Variants in RALYL observed in about 807,000 individuals in gnomAD.
RALYL encodes RNA-binding Raly-like protein.
RALYL carries 29 observed loss-of-function variants against 35.1 expected under a neutral mutation model. That is an observed-to-expected ratio of 0.83 (90% CI 0.61 to 1.13). The LOEUF is 1.13. RALYL is among the 50% of genes most tolerant of loss of function. The probability of loss-of-function intolerance (pLI) is 0.00; values close to 1 mark genes in which losing one functional copy is unlikely to be tolerated. For synonymous variants in RALYL, 120 were observed against 127.6 expected, an observed-to-expected ratio of 0.94 and a Z score of 0.40; for missense variants, 359 against 360.4, an observed-to-expected ratio of 1.00 and a Z score of 0.03.
chr8:84,705,371 G>A (rs1331910882), intron 2 of RALYL, among the ~76,000 whole-genome samples: 1 of 152,068 alleles, frequency 6.6e-6, no homozygotes, highest in Admixed American at 6.6e-5. Flanking sequence ...CTACATAGTA[G>A]GCACTCAACA....
intron 1 of RALYL, among the ~76,000 whole-genome samples, chr8:84,223,316 T>C (rs1273776360): frequency 6.6e-6 from 1 of 151,716 alleles, no homozygotes; most frequent in African/African-American, 2.4e-5. Context: ...GAATGGGTTA[T>C]ATTGGGAGGG....
intron 4 of RALYL, among the ~76,000 whole-genome samples, chr8:84,843,145 G>C (rs573853695): frequency 6.6e-6 from 1 of 152,214 alleles, no homozygotes; most frequent in Non-Finnish European, 1.5e-5. Context: ...GGAAATAAAG[G>C]GTATTCAATT....
intron 2 of RALYL, among the ~76,000 whole-genome samples, chr8:84,658,478 T>C (rs1450409429): frequency 6.6e-6 from 1 of 152,172 alleles, no homozygotes; most frequent in Admixed American, 6.6e-5. Flanking sequence ...TAGAAAGGTG[T>C]ATGCATAGGA....
chr8:84,475,507 A>G (rs1036692356), intron 1 of RALYL, among the ~76,000 whole-genome samples: 9 of 152,216 alleles, frequency 5.9e-5, no homozygotes, highest in Non-Finnish European at 1.2e-4. Context: ...GAAAACTCTA[A>G]TATAAAATTT....
chr8:84,623,123 C>T (rs1391968794), intron 2 of RALYL, among the ~76,000 whole-genome samples: 3 of 152,124 alleles, frequency 2.0e-5, no homozygotes, highest in Non-Finnish European at 2.9e-5. Flanking sequence ...AGTAAAACTT[C>T]TAAGTTTTAT....
At chr8:84,342,352 C>T (rs1563762160) in intron 1 of RALYL, among the ~76,000 whole-genome samples, 1 of 139,096 alleles carries the variant, frequency 7.2e-6, no homozygotes, top group Non-Finnish European at 1.5e-5. Context: ...GCCAGGCCTA[C>T]ACACATTAAT....
intron 5 of RALYL, among the ~76,000 whole-genome samples, chr8:84,851,672 G>T (rs1349875739): frequency 6.6e-6 from 1 of 152,148 alleles, no homozygotes; most frequent in East Asian, 1.9e-4. Flanking sequence ...AGGGCCTTTT[G>T]TAAGTTCCAC....
chr8:84,789,885 T>C (rs1371848388), intron 3 of RALYL, among the ~76,000 whole-genome samples: 1 of 151,988 alleles, frequency 6.6e-6, no homozygotes, highest in East Asian at 1.9e-4. Flanking sequence ...ATGAACTAAA[T>C]TGAGTATAGA....
chr8:84,427,448 T>C (rs1314767735), intron 1 of RALYL, among the ~76,000 whole-genome samples: 1 of 152,228 alleles, frequency 6.6e-6, no homozygotes, highest in African/African-American at 2.4e-5. Flanking sequence ...TGTGTTTTAA[T>C]TAAGCATTCT....
intron 1 of RALYL, among the ~76,000 whole-genome samples, chr8:84,487,237 T>A (rs2054742177): frequency 6.6e-6 from 1 of 152,200 alleles, no homozygotes; most frequent in Non-Finnish European, 1.5e-5. Context: ...AGAGCTTAGA[T>A]CAATAAATAA....
At chr8:84,491,929 G>A (rs1365651461) in intron 1 of RALYL, among the ~76,000 whole-genome samples, 2 of 151,656 alleles carry the variant, frequency 1.3e-5, no homozygotes, top group Admixed American at 6.6e-5. Flanking sequence ...TTCATTATTT[G>A]TAAAATTATG....
intron 2 of RALYL, among the ~76,000 whole-genome samples, chr8:84,620,356 G>A (rs1310897630): frequency 6.6e-6 from 1 of 151,770 alleles, no homozygotes; most frequent in Non-Finnish European, 1.5e-5. Flanking sequence ...ATCTTCCATT[G>A]CTGATACCCT....
At chr8:84,763,509 AC>A (rs1349539042) in intron 2 of RALYL, among the ~76,000 whole-genome samples, 1 of 152,200 alleles carries the variant, frequency 6.6e-6, no homozygotes, top group African/African-American at 2.4e-5. Context: ...AGTTGTATTC[AC>A]CGTTGATGTC....
At chr8:84,671,489 C>T (rs939808734) in intron 2 of RALYL, among the ~76,000 whole-genome samples, 1 of 152,184 alleles carries the variant, frequency 6.6e-6, no homozygotes, top group Non-Finnish European at 1.5e-5. Flanking sequence ...GGCCCCATCC[C>T]TGCAGCAAAC....
At chr8:84,750,863 G>C (rs1809817363) in intron 2 of RALYL, among the ~76,000 whole-genome samples, 1 of 152,030 alleles carries the variant, frequency 6.6e-6, no homozygotes. Context: ...CTCCATAACT[G>C]TAAGAAATAA....
intron 8 of RALYL, among the ~76,000 whole-genome samples, chr8:84,912,330 C>T (rs765500720): frequency 6.6e-6 from 1 of 152,036 alleles, no homozygotes; most frequent in Non-Finnish European, 1.5e-5. Flanking sequence ...GTTTTAGGAG[C>T]TCTGTGCTAG....
chr8:84,223,404 A>G (rs892185649), intron 1 of RALYL, among the ~76,000 whole-genome samples: 45 of 152,240 alleles, frequency 3.0e-4, no homozygotes, highest in African/African-American at 9.9e-4. Flanking sequence ...AGTCAAATAA[A>G]AGCATTTGCC....
intron 2 of RALYL, among the ~76,000 whole-genome samples, chr8:84,716,498 G>T (rs2132555014): frequency 6.6e-6 from 1 of 152,190 alleles, no homozygotes; most frequent in Admixed American, 6.5e-5. Flanking sequence ...AAAGATAAAT[G>T]GTCACTTGCA....
intron 2 of RALYL, among the ~76,000 whole-genome samples, chr8:84,690,939 A>G (rs540484612): frequency 2.0e-5 from 3 of 152,200 alleles, no homozygotes; most frequent in South Asian, 2.1e-4. Context: ...AAATGTAACT[A>G]TATAGGTGGA....
Sources: allele counts gnomAD v4.1 joint callset (sites outside exome capture counted in the v4.1 genomes callset), GRCh38; gene constraint gnomAD v4.1.1; transcripts MANE v1.5; gene names NCBI Gene and HGNC (gene_info 2026-07-23, HGNC 2026-07-21).